Variants in TMEM64 observed in about 807,000 individuals in gnomAD.
TMEM64 encodes transmembrane protein 64.
In TMEM64, 19 loss-of-function variants were observed where a neutral mutation model predicts 24.5. That is an observed-to-expected ratio of 0.78 (90% CI 0.54 to 1.14). The LOEUF (loss-of-function observed/expected upper bound fraction) is 1.14, where lower values mean the gene tolerates loss of function less well. Ranked by LOEUF, TMEM64 falls within the 50% of genes most tolerant of loss-of-function variation. The pLI is 0.00. For synonymous variants in TMEM64, 262 were observed against 224.7 expected, an observed-to-expected ratio of 1.17 and a Z score of -1.49; for missense variants, 487 against 493.0, an observed-to-expected ratio of 0.99 and a Z score of 0.12.
At position 90,631,573 on chromosome 8, in the gene TMEM64, TC is replaced by T; in HGVS notation, c.929del (p.Gly310AspfsTer11). On this transcript the variant is annotated frameshift_variant, in exon 2 of 3. Transcript: ENST00000458549. LOFTEE classifies it high-confidence loss of function. ...EDVIAEQSVS[G>X]YFVFCLQIII... ...TCACCTGTAAACAAAAAACAAAATA[TC>T]CACTAACACTCTGTTCTGCAATGAC... 6.3e-7 allele frequency: 1 copy of T among 1,597,320 alleles called. No individual in the cohort carries two copies. Among genetic ancestry groups the T allele is most frequent in the South Asian group, 1.1e-5 (1 of 88,756 alleles).
intron 1 of TMEM64, among the ~76,000 whole-genome samples, chr8:90,635,236 A>G (rs1442336513): frequency 6.6e-6 from 1 of 152,160 alleles, no homozygotes; most frequent in Non-Finnish European, 1.5e-5. Flanking sequence ...CCAAAGCGTA[A>G]CTTTTTGGGA....
intron 2 of TMEM64, among the ~76,000 whole-genome samples, chr8:90,629,608 T>A (rs1256498249): frequency 6.6e-6 from 1 of 152,072 alleles, no homozygotes; most frequent in Non-Finnish European, 1.5e-5. Context: ...TGTTAATTTA[T>A]ATACTGTGCT....
chr8:90,632,952 A>C (rs1809462445), intron 1 of TMEM64, among the ~76,000 whole-genome samples: 1 of 152,224 alleles, frequency 6.6e-6, no homozygotes, highest in Admixed American at 6.5e-5. Context: ...GAATATATGT[A>C]ATTACACATT....
intron 1 of TMEM64, among the ~76,000 whole-genome samples, chr8:90,633,589 T>G (rs190188949): frequency 6.6e-6 from 1 of 152,366 alleles, no homozygotes; most frequent in Admixed American, 6.5e-5. Context: ...TTGGTTCAAA[T>G]AGTAAAAAAC....
chr8:90,639,157 C>T (rs1809564972), intron 1 of TMEM64, among the ~76,000 whole-genome samples: 1 of 151,844 alleles, frequency 6.6e-6, no homozygotes, highest in Non-Finnish European at 1.5e-5. Flanking sequence ...GTGCTGAGAC[C>T]CTACCCTAAC....
chr8:90,645,976 A>C lies in TMEM64; in HGVS notation c.-71T>G. ...GGCGCCCGTTAGGCAGCTGCCCTTC[A>C]TGGCGCCCGGTTCGCCCGGCATCGA... On this transcript the variant is annotated 5_prime_UTR_variant, in exon 1 of 3. The change abolishes an upstream ATG in the 5' untranslated region. Coordinates refer to ENST00000458549, the MANE Select transcript of TMEM64 (RefSeq NM_001008495.4). The surrounding 1 kb of genome is among the most constrained non-coding windows in gnomAD (Gnocchi z 4.2). 4 of 859,324 alleles carry C rather than the reference A, an allele frequency of 4.7e-6. No individual in the cohort carries two copies. Among genetic ancestry groups the C allele is most frequent in the African/African-American group, 1.8e-5 (1 of 54,954 alleles). The allele number at this position is 859,324 out of a possible 1,614,324, so 53.2% of individuals were successfully genotyped here. A position where few individuals can be genotyped will look rare whatever the true frequency, so the allele number is the denominator to read the frequency against.
intron 1 of TMEM64, among the ~76,000 whole-genome samples, chr8:90,636,568 A>G (rs1472071587): frequency 2.0e-5 from 3 of 152,150 alleles, no homozygotes; most frequent in African/African-American, 4.8e-5. Flanking sequence ...TTAATATGGC[A>G]TTTTCTATAA....
At position 90,623,177 on chromosome 8, in the gene TMEM64, T is replaced by C. The variant is rs554745205; in HGVS notation, c.*2494A>G. The C allele has an allele frequency of 5.3e-5, 8 of 152,264 alleles. No individual in the cohort carries two copies. Among genetic ancestry groups the C allele is most frequent in the Non-Finnish European group, 1.2e-4 (8 of 68,008 alleles). The allele number at this position is 152,264 out of a possible 1,614,324, so 9.4% of individuals were successfully genotyped here. A position where few individuals can be genotyped will look rare whatever the true frequency, so the allele number is the denominator to read the frequency against. On this transcript the variant is annotated 3_prime_UTR_variant, in exon 3 of 3. Coordinates refer to ENST00000458549, the MANE Select transcript of TMEM64 (RefSeq NM_001008495.4). ...ATTATATATCATTTTTAAGTGTGCA[T>C]TAAGCAACTTTATACTGCACTTTAA...
Position 90,645,636 on chromosome 8 carries a change from G to T in TMEM64, c.270C>A (p.Gly90=). The T allele has an allele frequency of 6.5e-7, 1 of 1,532,624 alleles. No homozygotes were observed. Among genetic ancestry groups the T allele is most frequent in the Non-Finnish European group, 8.7e-7 (1 of 1,144,558 alleles). The allele number at this position is 1,532,624 out of a possible 1,614,324, so 94.9% of individuals were successfully genotyped here. ...ELPEPGGALA[G]GPGSGGGGVV... is the part of the protein sequence containing the mutation. ...CGCCGCCGCCGCCACTCCCGGGGCC[G>T]CCCGCCAAGGCCCCGCCCGGCTCCG... The change falls in exon 1 of 3, where the codon GGC becomes GGA. Residue 90 remains glycine, a synonymous_variant. Transcript: ENST00000458549. The surrounding 1 kb of genome is among the most constrained non-coding windows in gnomAD (Gnocchi z 4.2).
intron 1 of TMEM64, among the ~76,000 whole-genome samples, chr8:90,639,918 C>T (rs1161129115): frequency 1.3e-5 from 2 of 152,092 alleles, no homozygotes; most frequent in African/African-American, 4.8e-5. Flanking sequence ...ACTCTATATA[C>T]ATTAATATAA....
intron 1 of TMEM64, among the ~76,000 whole-genome samples, chr8:90,635,414 G>A (rs1486934170): frequency 7.4e-6 from 1 of 135,156 alleles, no homozygotes; most frequent in East Asian, 1.9e-4. Flanking sequence ...TTTTTTTTGA[G>A]ACGGACTCTT....
intron 1 of TMEM64, among the ~76,000 whole-genome samples, chr8:90,643,993 T>C (rs1809647222): frequency 6.6e-6 from 1 of 152,196 alleles, no homozygotes. Flanking sequence ...TATTCCTAAT[T>C]CAAAACAAAA....
At chr8:90,644,513 C>A (rs1363316086) in intron 1 of TMEM64, among the ~76,000 whole-genome samples, 1 of 152,188 alleles carries the variant, frequency 6.6e-6, no homozygotes, top group African/African-American at 2.4e-5. Flanking sequence ...TTATTCACCA[C>A]CCCGTGATTT....
chr8:90,634,035 A>G (rs1412975433), intron 1 of TMEM64, among the ~76,000 whole-genome samples: 2 of 151,976 alleles, frequency 1.3e-5, no homozygotes, highest in African/African-American at 4.8e-5. Context: ...TTTCCACTGC[A>G]TTTAGCTTTA....
intron 1 of TMEM64, among the ~76,000 whole-genome samples, chr8:90,640,593 A>G (rs555996626): frequency 1.3e-5 from 2 of 152,322 alleles, no homozygotes; most frequent in African/African-American, 4.8e-5. Context: ...ACCCCATAGC[A>G]TAAGCTAAGA....
At position 90,642,679 on chromosome 8, in the gene TMEM64, G is replaced by A. The variant is rs544116393; in HGVS notation, c.795+2432C>T. Among the ~76,000 whole-genome samples, 3 of 152,306 alleles carry A rather than the reference G, an allele frequency of 2.0e-5. 1 individual carries two copies. The South Asian group carries it at 6.2e-4, about 32-fold the overall frequency. The stretch of plus-strand genomic sequence containing the variant: ...TTTGTTGAAAGGACTACTTCTGTAA[G>A]CAGGCAGTTCAGAACAATAGGTATA... On this transcript the variant is annotated intron_variant, in intron 1 of 2. Coordinates refer to ENST00000458549, the MANE Select transcript of TMEM64 (RefSeq NM_001008495.4).
intron 2 of TMEM64, 27 bp from the exon 3 acceptor site, chr8:90,625,889 T>G: frequency 1.4e-6 from 2 of 1,470,068 alleles, no homozygotes; most frequent in Non-Finnish European, 1.9e-6. Flanking sequence ...AACATTACAG[T>G]TATCAATATT....
At chr8:90,639,994 G>A (rs773843547) in intron 1 of TMEM64, among the ~76,000 whole-genome samples, 21 of 152,138 alleles carry the variant, frequency 1.4e-4, no homozygotes, top group Non-Finnish European at 2.6e-4. Flanking sequence ...AGAAGCTGAT[G>A]AGATAACTAA....
rs1242342443 is a variant in TMEM64, at chr8:90,641,035, A to T, written c.795+4076T>A. ...CACAGTACCCATTTATTGCTTTAAA[A>T]ATTTTTTTTCTGTTAAATAAAAATA... is the stretch of plus-strand genomic sequence containing the variant. On this transcript the variant is annotated intron_variant, in intron 1 of 2. Transcript: ENST00000458549. Among the ~76,000 whole-genome samples, 33 of 152,200 alleles carry T rather than the reference A, an allele frequency of 2.2e-4. 1 individual carries two copies. Among genetic ancestry groups the T allele is most frequent in the Admixed American group, 2.2e-3 (33 of 15,284 alleles).
Sources: gnomAD v4.1 joint callset for allele counts (sites outside exome capture counted in the v4.1 genomes callset) on GRCh38, gnomAD v4.1.1 for gene constraint, Gnocchi (gnomAD v3.1) non-coding constraint, MANE v1.5 for transcripts, NCBI Gene and HGNC (gene_info 2026-07-23, HGNC 2026-07-21) for gene names.